Variants in LPP observed in about 807,000 individuals in gnomAD.
LPP encodes the protein lipoma-preferred partner.
A neutral mutation model predicts 60.4 loss-of-function variants in LPP; 38 were observed. The ratio of observed to expected loss-of-function variants is 0.63; its 90% CI spans 0.49 to 0.83. The LOEUF (loss-of-function observed/expected upper bound fraction) is 0.83, where lower values mean the gene tolerates loss of function less well. Ranked by LOEUF, LPP falls within the 40% of genes least tolerant of loss-of-function variation. The pLI is 0.00. For missense variants in LPP, 902 were observed against 783.6 expected (o/e 1.15, Z -1.80); for synonymous variants, 328 against 290.8 (o/e 1.13, Z -1.30).
intron 4 of LPP, among the ~76,000 whole-genome samples, chr3:188,469,910 T>G (rs1249553132): frequency 6.6e-6 from 1 of 152,172 alleles, no homozygotes; most frequent in African/African-American, 2.4e-5. Context: ...ATAGTTTTTA[T>G]GGTATTTCTA....
At chr3:188,462,755 G>A (rs1040310798) in intron 4 of LPP, among the ~76,000 whole-genome samples, 1 of 151,274 alleles carries the variant, frequency 6.6e-6, no homozygotes. Context: ...TTGGTCAAAG[G>A]TGAGGCTCTA....
chr3:188,376,582 T>G (rs986605032), intron 3 of LPP, among the ~76,000 whole-genome samples: 1 of 152,204 alleles, frequency 6.6e-6, no homozygotes, highest in Non-Finnish European at 1.5e-5. Flanking sequence ...ATGCCTTTAT[T>G]TTGAGCCTAT....
At chr3:188,558,730 C>G (rs1365512677) in intron 6 of LPP, among the ~76,000 whole-genome samples, 3 of 151,996 alleles carry the variant, frequency 2.0e-5, no homozygotes, top group African/African-American at 7.2e-5. Flanking sequence ...AGTTAATTTG[C>G]CATTTCTACC....
rs1770144740 is a variant in LPP, at chr3:188,882,434, G to T, written c.*7955G>T. 4.4e-6 allele frequency: 1 copy of T among 226,930 alleles called. No homozygotes were observed. The highest frequency in any genetic ancestry group is 6.4e-5 in the East Asian group (1 of 15,724). The allele number at this position is 226,930 out of a possible 1,614,324, so 14.1% of individuals were successfully genotyped here. On this transcript the variant is annotated 3_prime_UTR_variant, in exon 12 of 12. Coordinates refer to ENST00000617246, the MANE Select transcript of LPP (RefSeq NM_001375462.1). ...AGGAAGCCTGAGGAAGTATTTACTT[G>T]CTTTTCCCATCTCTTTATAATTGGA...
chr3:188,808,819 G>A (rs1451920589), intron 9 of LPP, among the ~76,000 whole-genome samples: 1 of 151,860 alleles, frequency 6.6e-6, no homozygotes, highest in Non-Finnish European at 1.5e-5. Context: ...TGTCCTGATG[G>A]TCTCCCTCCC....
intron 6 of LPP, among the ~76,000 whole-genome samples, chr3:188,605,805 A>G (rs7615767): frequency 0.41 from 61,942 of 152,008 alleles, 13,484 homozygotes; most frequent in Non-Finnish European, 0.49. Context: ...GCTTTCTGGT[A>G]AACTAGGTTG....
At chr3:188,202,731 C>T (rs1330950558) in intron 1 of LPP, among the ~76,000 whole-genome samples, 4 of 151,982 alleles carry the variant, frequency 2.6e-5, no homozygotes, top group Admixed American at 1.3e-4. Flanking sequence ...GATGGGCTTT[C>T]GAGGTTGGGA....
chr3:188,301,211 C>A (rs1749743161), intron 2 of LPP, among the ~76,000 whole-genome samples: 1 of 151,532 alleles, frequency 6.6e-6, no homozygotes, highest in South Asian at 2.1e-4. Context: ...TTTGCCTATC[C>A]ATATCTACAC....
At chr3:188,657,368 G>C (rs1198648392) in intron 7 of LPP, among the ~76,000 whole-genome samples, 1 of 150,176 alleles carries the variant, frequency 6.7e-6, no homozygotes, top group Non-Finnish European at 1.5e-5. Flanking sequence ...AAAGAATTCT[G>C]TGAGTGTCAT....
At chr3:188,274,070 T>A (rs1738807900) in intron 2 of LPP, among the ~76,000 whole-genome samples, 1 of 152,166 alleles carries the variant, frequency 6.6e-6, no homozygotes, top group Admixed American at 6.5e-5. Flanking sequence ...TTTCTTAGAG[T>A]AAGTTTCTTG....
intron 2 of LPP, among the ~76,000 whole-genome samples, chr3:188,247,891 G>A (rs971842178): frequency 7.9e-5 from 12 of 151,906 alleles, no homozygotes; most frequent in Non-Finnish European, 1.5e-4. Context: ...CTTAGTGGAT[G>A]TAGAAGAGTT....
chr3:188,638,549 C>A lies in LPP; in HGVS notation c.1113+28705C>A, dbSNP rs1445217376. On this transcript the variant is annotated intron_variant, in intron 7 of 11. Coordinates refer to ENST00000617246, the MANE Select transcript of LPP (RefSeq NM_001375462.1). Reference sequence around the variant, plus strand: ...GCAGGAGAAGGAAATAAAGGGTATTCAATTAGGAAAAGAGGAAGTCAAATT... The same window carrying A: ...GCAGGAGAAGGAAATAAAGGGTATTAAATTAGGAAAAGAGGAAGTCAAATT... 2.2e-3 allele frequency among the ~76,000 whole-genome samples: 328 copies of A among 147,632 alleles called. 1 individual carries two copies. The highest frequency in any genetic ancestry group is 8.1e-3 in the African/African-American group (317 of 39,358).
At chr3:188,753,813 A>C (rs554013347) in intron 8 of LPP, among the ~76,000 whole-genome samples, 3 of 151,918 alleles carry the variant, frequency 2.0e-5, no homozygotes, top group Admixed American at 1.3e-4. Flanking sequence ...AGAGGGAAAA[A>C]CAAGAGAGAG....
intron 2 of LPP, among the ~76,000 whole-genome samples, chr3:188,285,018 G>A (rs1354914015): frequency 6.6e-6 from 1 of 151,958 alleles, no homozygotes; most frequent in Non-Finnish European, 1.5e-5. Flanking sequence ...GCATAAGCAA[G>A]TGAAGAAAAA....
At chr3:188,359,136 A>G (rs888165168) in intron 3 of LPP, among the ~76,000 whole-genome samples, 14 of 152,286 alleles carry the variant, frequency 9.2e-5, no homozygotes, top group Admixed American at 6.5e-4. Flanking sequence ...ACTTTCCAAC[A>G]AGTTGTGTGC....
At chr3:188,212,827 A>G (rs919434993) in intron 1 of LPP, 1 of 152,538 alleles carries the variant, frequency 6.6e-6, no homozygotes, top group Non-Finnish European at 1.5e-5. Flanking sequence ...GGGGCTGGAC[A>G]TCGTGTGAGT....
intron 6 of LPP, among the ~76,000 whole-genome samples, chr3:188,563,184 A>G (rs1579985329): frequency 6.6e-6 from 1 of 152,130 alleles, no homozygotes; most frequent in South Asian, 2.1e-4. Context: ...CTCACCAACC[A>G]AACATGTGTG....
chr3:188,381,922 C>G (rs948349678), intron 3 of LPP, among the ~76,000 whole-genome samples: 3 of 151,612 alleles, frequency 2.0e-5, no homozygotes, highest in African/African-American at 7.3e-5. Flanking sequence ...GCTCTGACTA[C>G]AGGTGTGACC....
At chr3:188,270,319 A>G (rs919575274) in intron 2 of LPP, among the ~76,000 whole-genome samples, 8 of 152,066 alleles carry the variant, frequency 5.3e-5, no homozygotes, top group African/African-American at 1.9e-4. Flanking sequence ...ACACACACAC[A>G]AACAATTCTT....
Sources: gnomAD v4.1 joint callset for allele counts (sites outside exome capture counted in the v4.1 genomes callset) on GRCh38, gnomAD v4.1.1 for gene constraint, MANE v1.5 for transcripts, NCBI Gene and HGNC (gene_info 2026-07-23, HGNC 2026-07-21) for gene names.